Variants in WNT11 observed in about 807,000 individuals in gnomAD.
WNT11 encodes protein Wnt-11.
A neutral mutation model predicts 35.6 loss-of-function variants in WNT11; 20 were observed. That is an observed-to-expected ratio of 0.56 (90% CI 0.40 to 0.82). WNT11 has a LOEUF of 0.82. Among genes scored for constraint, WNT11 ranks in the 40% least tolerant of loss-of-function variants. The probability of loss-of-function intolerance (pLI) is 0.00; values close to 1 mark genes in which losing one functional copy is unlikely to be tolerated. For missense variants in WNT11, 459 were observed against 504.4 expected, an observed-to-expected ratio of 0.91 and a Z score of 0.86; for synonymous variants, 200 against 211.9, an observed-to-expected ratio of 0.94 and a Z score of 0.49.
At chr11:76,197,886 T>G (rs1302421429) in intron 1 of WNT11, among the ~76,000 whole-genome samples, 1 of 152,146 alleles carries the variant, frequency 6.6e-6, no homozygotes, top group Non-Finnish European at 1.5e-5. Context: ...CCACATGGAC[T>G]CACTCTCAGT....
chr11:76,210,170 A>C (rs917365214), upstream of WNT11, among the ~76,000 whole-genome samples: 1 of 150,758 alleles, frequency 6.6e-6, no homozygotes, highest in African/African-American at 2.4e-5. Context: ...GTGCGGGGGC[A>C]GAAGAGGGGG....
chr11:76,191,061 C>T (rs1169345003), intron 4 of WNT11, among the ~76,000 whole-genome samples: 1 of 152,164 alleles, frequency 6.6e-6, no homozygotes, highest in Non-Finnish European at 1.5e-5. Context: ...GACACAGGGG[C>T]AGTGTTGCTG....
chr11:76,209,597 G>A (rs1319933184), upstream of WNT11, among the ~76,000 whole-genome samples: 4 of 152,222 alleles, frequency 2.6e-5, no homozygotes, highest in Admixed American at 2.6e-4. Flanking sequence ...GCGAGGCCGG[G>A]CCTGCCACCC....
At chr11:76,209,305 G>A (rs1452084637), upstream of WNT11, among the ~76,000 whole-genome samples, 1 of 148,998 alleles carries the variant, frequency 6.7e-6, no homozygotes, top group Non-Finnish European at 1.5e-5. Flanking sequence ...CACCACGAGC[G>A]CAGCGCCGCA....
chr11:76,196,480 T>C lies in WNT11; in HGVS notation c.319+3A>G. The C allele has an allele frequency of 6.2e-7, 1 of 1,613,144 alleles. No homozygotes were observed. Among genetic ancestry groups the C allele is most frequent in the Non-Finnish European group, 8.5e-7 (1 of 1,179,894 alleles). ...TGCATTCAGCAGCCTCGCCAGCTCCTACCTCTCTCCAGGTCAAGCAAATAG... is the reference window on the plus strand; with the variant it reads ...TGCATTCAGCAGCCTCGCCAGCTCCCACCTCTCTCCAGGTCAAGCAAATAG... On this transcript the variant is annotated splice_donor_region_variant and intron_variant, in intron 2 of 4. Coordinates refer to ENST00000322563, the MANE Select transcript of WNT11 (RefSeq NM_004626.3).
chr11:76,202,882 G>C (rs1953404805), intron 1 of WNT11, among the ~76,000 whole-genome samples: 1 of 152,220 alleles, frequency 6.6e-6, no homozygotes, highest in Admixed American at 6.5e-5. Flanking sequence ...TGAGCCTGCA[G>C]ATCCAGTCCT....
chr11:76,210,741 T>C, upstream of WNT11: 1 of 922,724 alleles, frequency 1.1e-6, no homozygotes, highest in Non-Finnish European at 1.3e-6. Flanking sequence ...CGAGCTCTCC[T>C]CCTCGCCTGG....
At chr11:76,195,276 G>A (rs184778428) in intron 2 of WNT11, among the ~76,000 whole-genome samples, 167 of 152,354 alleles carry the variant, frequency 1.1e-3, no homozygotes, top group African/African-American at 3.8e-3. Flanking sequence ...ATCTTATGAC[G>A]AAGTGGGGTC....
At chr11:76,197,734 A>G (rs1369557082) in intron 1 of WNT11, among the ~76,000 whole-genome samples, 1 of 152,102 alleles carries the variant, frequency 6.6e-6, no homozygotes, top group Non-Finnish European at 1.5e-5. Context: ...AGAGGACCCA[A>G]GAGCCTCCCA....
upstream of WNT11, among the ~76,000 whole-genome samples, chr11:76,209,378 C>G (rs1397780267): frequency 1.1e-5 from 1 of 92,938 alleles, no homozygotes; most frequent in Non-Finnish European, 2.1e-5. Context: ...AAGCCGGCCG[C>G]TGGGACCAGG....
intron 1 of WNT11, among the ~76,000 whole-genome samples, chr11:76,199,474 T>TAAA (rs10622676): frequency 1.3e-4 from 19 of 143,476 alleles, no homozygotes; most frequent in African/African-American, 2.0e-4. Context: ...CTTGTCTACT[T>TAAA]AAAAAAAAAA....
In WNT11 at chr11:76,186,896, C is replaced by T; in HGVS notation, c.*169G>A. 1 of 1,035,056 alleles carries T rather than the reference C, an allele frequency of 9.7e-7. No individual in the cohort carries two copies. The highest frequency in any genetic ancestry group is 1.4e-6 in the Non-Finnish European group (1 of 690,904). The allele number at this position is 1,035,056 out of a possible 1,614,324, so 64.1% of individuals were successfully genotyped here. ...TGCCCTCCTTCCAGGGTGGCCAGACCTTCTGTTCCTGGTGGCTTCCAAGTG... is the reference window on the plus strand; with the variant it reads ...TGCCCTCCTTCCAGGGTGGCCAGACTTTCTGTTCCTGGTGGCTTCCAAGTG... On this transcript the variant is annotated 3_prime_UTR_variant, in exon 5 of 5. Transcript: ENST00000322563.
intron 4 of WNT11, among the ~76,000 whole-genome samples, chr11:76,190,209 C>A (rs1359150700): frequency 6.6e-6 from 1 of 152,118 alleles, no homozygotes; most frequent in African/African-American, 2.4e-5. Context: ...GCTCAAGTCC[C>A]CCTGTTGGGA....
Position 76,194,005 on chromosome 11 carries a change from G to A in WNT11, c.597+562C>T, listed in dbSNP as rs956199195. ...CTCACCCCAGTCTTTTGGGCAGTGA[G>A]GTGAGGAATGAATGAAAACCTGATA... On this transcript the variant is annotated intron_variant, in intron 3 of 4. Coordinates refer to ENST00000322563, the MANE Select transcript of WNT11 (RefSeq NM_004626.3). The surrounding 1 kb of genome is among the most constrained non-coding windows in gnomAD (Gnocchi z 5.4). Among the ~76,000 whole-genome samples, 4 of 152,156 alleles carry A rather than the reference G, an allele frequency of 2.6e-5. No individual in the cohort carries two copies. Among genetic ancestry groups the A allele is most frequent in the African/African-American group, 7.2e-5 (3 of 41,456 alleles).
rs1953469796 is a variant in WNT11, at chr11:76,206,217, G to C, written c.83+108C>G. ...TGACTTGCCCACGACCGCCAAGCCA[G>C]CTTAGGCTCCCGGGTCTTGGTGCGC... On this transcript the variant is annotated intron_variant, in intron 1 of 4. Transcript: ENST00000322563. The C allele has an allele frequency of 5.6e-6, 6 of 1,067,740 alleles. No individual in the cohort carries two copies. In the East Asian group the frequency reaches 1.9e-4, roughly 35 times the overall value. 66.1% of individuals were successfully genotyped at this position (1,067,740 alleles called of 1,614,324 possible). A position where few individuals can be genotyped will look rare whatever the true frequency, so the allele number is the denominator to read the frequency against.
chr11:76,203,394 A>C (rs1311528342), intron 1 of WNT11, among the ~76,000 whole-genome samples: 1 of 152,162 alleles, frequency 6.6e-6, no homozygotes, highest in African/African-American at 2.4e-5. Flanking sequence ...TGCCCAGGGA[A>C]GGGGGCGGCC....
intron 3 of WNT11, among the ~76,000 whole-genome samples, 185 bp from the exon 4 acceptor site, chr11:76,192,041 G>C (rs73005314): frequency 0.014 from 2,195 of 152,284 alleles, 30 homozygotes; most frequent in Non-Finnish European, 0.019. Context: ...ACCGTGGGGG[G>C]CACAGCTGAG....
intron 1 of WNT11, among the ~76,000 whole-genome samples, chr11:76,205,062 A>G (rs1295233571): frequency 6.6e-6 from 1 of 152,096 alleles, no homozygotes; most frequent in African/African-American, 2.4e-5. Flanking sequence ...CTCCTCAGGG[A>G]CAGCTGGGAA....
At chr11:76,210,344 T>C, upstream of WNT11, 1 of 817,964 alleles carries the variant, frequency 1.2e-6, no homozygotes, top group Non-Finnish European at 1.5e-6. Context: ...TTGGTTTGCT[T>C]ACCCGGGAGT....
Sources: gnomAD v4.1 joint callset for allele counts (sites outside exome capture counted in the v4.1 genomes callset) on GRCh38, gnomAD v4.1.1 for gene constraint, Gnocchi (gnomAD v3.1) non-coding constraint, MANE v1.5 for transcripts, NCBI Gene and HGNC (gene_info 2026-07-23, HGNC 2026-07-21) for gene names.